Variants in ALK observed in about 807,000 individuals in gnomAD.
ALK encodes the protein ALK tyrosine kinase receptor.
ALK carries 74 observed loss-of-function variants against 163.1 expected under a neutral mutation model. That is an observed-to-expected ratio of 0.45 (90% confidence interval 0.38 to 0.55). ALK has a LOEUF of 0.55. ALK is among the 20% of genes least tolerant of loss of function. The pLI is 0.00. For synonymous variants in ALK, 960 were observed against 843.2 expected (o/e 1.14, Z -2.40); for missense variants, 2,063 against 2,105.3 (o/e 0.98, Z 0.39).
chr2:29,592,904 G>C (rs1053267678), intron 3 of ALK, among the ~76,000 whole-genome samples: 1 of 152,166 alleles, frequency 6.6e-6, no homozygotes, highest in African/African-American at 2.4e-5. Context: ...ATTCTCCCTG[G>C]AGTCTTGGGA....
At chr2:29,452,568 T>C (rs896770269) in intron 4 of ALK, among the ~76,000 whole-genome samples, 1 of 152,146 alleles carries the variant, frequency 6.6e-6, no homozygotes, top group African/African-American at 2.4e-5. Context: ...CAATGCATAA[T>C]AAAATCAATG....
Position 29,227,151 on chromosome 2 carries a change from T to G in ALK, c.2915-77A>C. On this transcript the variant is annotated intron_variant, in intron 17 of 28. Transcript: ENST00000389048. This position sits in a 1 kb window ranked among gnomAD's most constrained non-coding sequence, Gnocchi z 4.4. ...CCAGCCTCAGTACTATGTCTCCAGG[T>G]GGTCACTGTGGGTGCTCTGGTGGTC... 1 of 1,597,760 alleles carries G rather than the reference T, an allele frequency of 6.3e-7. No individual in the cohort carries two copies. Among genetic ancestry groups the G allele is most frequent in the South Asian group, 1.1e-5 (1 of 90,474 alleles).
intron 28 of ALK, among the ~76,000 whole-genome samples, chr2:29,194,224 T>TAA: frequency 6.7e-6 from 1 of 149,208 alleles, no homozygotes; most frequent in South Asian, 2.1e-4. Flanking sequence ...TTAGTGGATT[T>TAA]AAAAAAAAAA....
At chr2:29,867,865 AG>A (rs566739553) in intron 1 of ALK, among the ~76,000 whole-genome samples, 215 of 152,288 alleles carry the variant, frequency 1.4e-3, no homozygotes, top group African/African-American at 5.1e-3. Context: ...TGCTTGAGTG[AG>A]GGGTGTGCTG....
chr2:29,273,430 G>A (rs1050976665), intron 11 of ALK, among the ~76,000 whole-genome samples: 5 of 152,238 alleles, frequency 3.3e-5, no homozygotes, highest in African/African-American at 1.2e-4. Flanking sequence ...TTTAGAGGTG[G>A]TGGGGGAGTC....
chr2:29,304,132 C>T (rs1187230359), intron 8 of ALK, among the ~76,000 whole-genome samples: 1 of 152,180 alleles, frequency 6.6e-6, no homozygotes, highest in East Asian at 1.9e-4. Context: ...CTCTAAGAGC[C>T]AGTCAGTGGT....
At chr2:29,468,776 C>T (rs1361423339) in intron 4 of ALK, among the ~76,000 whole-genome samples, 1 of 143,712 alleles carries the variant, frequency 7.0e-6, no homozygotes, top group Admixed American at 7.4e-5. Flanking sequence ...CTGGCTTGAG[C>T]CTGGGAGGTT....
rs2148250838 is a variant in ALK, at chr2:29,320,755, G to T, written c.1542C>A (p.His514Gln). 6.2e-7 allele frequency: 1 copy of T among 1,613,726 alleles called. No homozygotes were observed. The highest frequency in any genetic ancestry group is 1.3e-5 in the African/African-American group (1 of 75,032). Residue 514 changes from histidine (H) to glutamine (Q), a missense_variant, in exon 7 of 29, where the codon CAC becomes CAA. Physicochemically the swap from His to Gln is conservative, Grantham distance 24 (BLOSUM62 0). Around this residue, in one of 5 missense-constraint regions of ALK, gnomAD observed 987 missense variants for 939.5 expected, o/e 1.05. Transcript: ENST00000389048. ...AAGGCAGGAGAGCAGTAGTACCTTG[G>T]TGGTCCTGGAACCGGGCATCCTTTA... ...RTLKDARFQD[H>Q]QDHALLLSTT...
intron 26 of ALK, among the ~76,000 whole-genome samples, chr2:29,203,265 G>A (rs993901404): frequency 6.6e-6 from 1 of 151,954 alleles, no homozygotes; most frequent in African/African-American, 2.4e-5. Flanking sequence ...CTGACTATTT[G>A]TGGCCGCACC....
intron 4 of ALK, among the ~76,000 whole-genome samples, chr2:29,520,936 T>A (rs1344041361): frequency 1.3e-5 from 2 of 152,184 alleles, no homozygotes; most frequent in Non-Finnish European, 2.9e-5. Context: ...CGGGTCTTCA[T>A]TTATTCCAAC....
chr2:29,786,983 G>A (rs1280231288), intron 1 of ALK, among the ~76,000 whole-genome samples: 1 of 152,144 alleles, frequency 6.6e-6, no homozygotes, highest in Admixed American at 6.5e-5. Context: ...TTTTAGTAAA[G>A]ACAGGGTTTC....
chr2:29,846,049 T>C (rs1665833630), intron 1 of ALK, among the ~76,000 whole-genome samples: 2 of 152,176 alleles, frequency 1.3e-5, no homozygotes, highest in Non-Finnish European at 1.5e-5. Flanking sequence ...TGGCCCATGG[T>C]TATAAAAAAG....
chr2:29,382,399 A>G (rs752154866), intron 5 of ALK, among the ~76,000 whole-genome samples: 2 of 152,180 alleles, frequency 1.3e-5, no homozygotes, highest in Non-Finnish European at 2.9e-5. Flanking sequence ...AAACATCTAT[A>G]GCTTGAGATC....
At position 29,275,159 on chromosome 2, in the gene ALK, T is replaced by G; in HGVS notation, c.1981A>C (p.Asn661His). ...TTTTCCCCGGGTTTCAGCTCCTTGT[T>G]TGGGTTTCTCTCAAACAGGTTTCTT... ...KSRNLFERNP[N>H]KELKPGENSP... The change falls in exon 11 of 29, where the codon AAC becomes CAC. Residue 661 changes from asparagine (N) to histidine (H), a missense_variant. Transcript: ENST00000389048. 3 of 1,614,200 alleles carry G rather than the reference T, an allele frequency of 1.9e-6. No homozygotes were observed. Among genetic ancestry groups the G allele is most frequent in the Non-Finnish European group, 2.5e-6 (3 of 1,180,038 alleles).
chr2:29,845,120 A>T (rs1052216125), intron 1 of ALK, among the ~76,000 whole-genome samples: 3 of 152,186 alleles, frequency 2.0e-5, no homozygotes, highest in African/African-American at 7.2e-5. Flanking sequence ...CAAAATGAAA[A>T]TAAAGCAAGT....
At chr2:29,493,314 C>T (rs781308413) in intron 4 of ALK, among the ~76,000 whole-genome samples, 38 of 152,180 alleles carry the variant, frequency 2.5e-4, no homozygotes, top group Non-Finnish European at 4.4e-4. Flanking sequence ...TTAATTACTC[C>T]GCTGTTTCAG....
In ALK at chr2:29,400,448, A is replaced by G. The variant is rs1669416149; in HGVS notation, c.1155-16589T>C. Among the ~76,000 whole-genome samples, 2 of 152,148 alleles carry G rather than the reference A, an allele frequency of 1.3e-5. 1 individual carries two copies. On this transcript the variant is annotated intron_variant, in intron 4 of 28. Coordinates refer to ENST00000389048, the MANE Select transcript of ALK (RefSeq NM_004304.5). ...CCAACCCATTAATGGCCTCCAGTGC[A>G]GACATCCCTTATGTTACCATGCAAG...
chr2:29,487,425 A>T (rs1671802922), intron 4 of ALK, among the ~76,000 whole-genome samples: 2 of 152,200 alleles, frequency 1.3e-5, no homozygotes, highest in African/African-American at 4.8e-5. Context: ...TTTTCCAAGT[A>T]CTAGCTTAGA....
chr2:29,387,159 CTG>C (rs1468242751), intron 4 of ALK, among the ~76,000 whole-genome samples: 1 of 152,138 alleles, frequency 6.6e-6, no homozygotes. Context: ...AGTCAGGGGA[CTG>C]TATGGACAGC....
Sources: allele counts gnomAD v4.1 joint callset (sites outside exome capture counted in the v4.1 genomes callset), GRCh38; gene constraint gnomAD v4.1.1; regional missense constraint gnomAD v4.1.1; non-coding constraint Gnocchi (gnomAD v3.1); transcripts MANE v1.5; gene names NCBI Gene and HGNC (gene_info 2026-07-23, HGNC 2026-07-21).